Variants in SSBP4 observed in about 807,000 individuals in gnomAD.
SSBP4 encodes the protein single-stranded DNA-binding protein 4.
SSBP4 carries 33 observed loss-of-function variants against 64.6 expected under a neutral mutation model. The ratio of observed to expected loss-of-function variants is 0.51; its 90% CI spans 0.39 to 0.68. The LOEUF (loss-of-function observed/expected upper bound fraction) is 0.68. SSBP4 is among the 30% of genes least tolerant of loss of function. The probability of loss-of-function intolerance (pLI) is 0.00; values close to 1 mark genes in which losing one functional copy is unlikely to be tolerated. For missense variants in SSBP4, 583 were observed against 566.8 expected, an observed-to-expected ratio of 1.03 and a Z score of -0.29; for synonymous variants, 243 against 224.0, an observed-to-expected ratio of 1.08 and a Z score of -0.76.
intron 17 of SSBP4, 55 bp downstream of exon 17, chr19:18,433,872 C>T (rs1214176619): frequency 1.2e-5 from 16 of 1,290,500 alleles, no homozygotes; most frequent in Non-Finnish European, 1.6e-5. Context: ...GAGGGGCTGG[C>T]GGGCAGGCCC....
chr19:18,428,056 T>TGGGGGGCTGGGGGGGGGGGTGGGGGGGG, intron 4 of SSBP4, 74 bp downstream of exon 4: 6 of 444,242 alleles, frequency 1.4e-5, no homozygotes, highest in Non-Finnish European at 1.9e-5. Context: ...GGAGGTGGGG[T>TGGGGGGCTGGGGGGGGGGGTGGGGGGGG]GGGGGGCTGC....
Position 18,429,777 on chromosome 19 carries a change from G to C in SSBP4, c.280-1064G>C, listed in dbSNP as rs182425179. On this transcript the variant is annotated intron_variant, in intron 4 of 17. Coordinates refer to ENST00000270061, the MANE Select transcript of SSBP4 (RefSeq NM_032627.5). ...TTTGTTTTGGGCCTTGGGAGTGCTCGCCGTCACGGTGGGCTTAGGGGGCTC... is the reference window on the plus strand; with the variant it reads ...TTTGTTTTGGGCCTTGGGAGTGCTCCCCGTCACGGTGGGCTTAGGGGGCTC... Among the ~76,000 whole-genome samples, 1,044 of 152,274 alleles carry C rather than the reference G, an allele frequency of 6.9e-3. 6 individuals carry two copies. The highest frequency in any genetic ancestry group is 0.011 in the Non-Finnish European group (774 of 68,002).
intron 5 of SSBP4, 129 bp downstream of exon 5, chr19:18,431,059 C>A: frequency 8.8e-7 from 1 of 1,136,606 alleles, no homozygotes. Context: ...GTCCTCTGTG[C>A]CGCAGGTGTG....
upstream of SSBP4, among the ~76,000 whole-genome samples, chr19:18,415,796 C>G (rs893838484): frequency 6.6e-6 from 1 of 152,118 alleles, no homozygotes; most frequent in Non-Finnish European, 1.5e-5. Context: ...GGCCCCTTCT[C>G]CTGGCAACCT....
rs369123146 is a variant in SSBP4 at position 18,433,227 on chromosome 19, C to T, written c.991+14C>T. 230 of 1,550,464 alleles carry T rather than the reference C, an allele frequency of 1.5e-4. 1 individual carries two copies. The highest frequency in any genetic ancestry group is 1.9e-4 in the Non-Finnish European group (213 of 1,147,332). ...ACGGATCCCTGGGTGAGTGGGCGTCCCTGCTCCCGCCCACGTTGCCTTCCG... is the reference window on the plus strand; with the variant it reads ...ACGGATCCCTGGGTGAGTGGGCGTCTCTGCTCCCGCCCACGTTGCCTTCCG... On this transcript the variant is annotated intron_variant, in intron 15 of 17. Coordinates refer to ENST00000270061, the MANE Select transcript of SSBP4 (RefSeq NM_032627.5).
intron 4 of SSBP4, among the ~76,000 whole-genome samples, chr19:18,429,281 T>C (rs1162403067): frequency 1.3e-5 from 2 of 150,998 alleles, no homozygotes; most frequent in Non-Finnish European, 3.0e-5. Context: ...CCCGGCTCCC[T>C]GCCGACCTTG....
chr19:18,428,022 G>A (rs924162981), intron 4 of SSBP4, 40 bp downstream of exon 4: 2 of 1,547,128 alleles, frequency 1.3e-6, no homozygotes, highest in South Asian at 1.1e-5. Flanking sequence ...TCCAGGGCGG[G>A]AGGTGTGCTG....
the SSBP4 span, among the ~76,000 whole-genome samples, chr19:18,411,482 G>A: frequency 6.6e-6 from 1 of 152,024 alleles, no homozygotes; most frequent in Non-Finnish European, 1.5e-5. Context: ...GCAACAGAGC[G>A]AGACTTCGTC....
At chr19:18,408,523 C>T in the SSBP4 span, among the ~76,000 whole-genome samples, 5 of 150,756 alleles carry the variant, frequency 3.3e-5, no homozygotes, top group Non-Finnish European at 7.4e-5. Flanking sequence ...GACTGAGTAC[C>T]GCTCTATCTC....
In SSBP4 at chr19:18,427,766, G is replaced by T; in HGVS notation, c.147G>T (p.Lys49Asn). The change falls in exon 3 of 18, where the codon AAG becomes AAT. Residue 49 changes from lysine (K) to asparagine (N), a missense_variant. This residue lies in a region of SSBP4 where 43 missense variants were observed against 74.2 expected (regional missense o/e 0.58). Coordinates refer to ENST00000270061, the MANE Select transcript of SSBP4 (RefSeq NM_032627.5). This position sits in a 1 kb window ranked among gnomAD's most constrained non-coding sequence, Gnocchi z 4.4. ...TTTCCCTGCAGATCCGATGGGAGAA[G>T]AACATCACGCTGGGGGAGCCCCCTG... Reference protein sequence around the residue: ...QTFLSEIRWEKNITLGEPPGF... With the variant: ...QTFLSEIRWENNITLGEPPGF... The T allele has an allele frequency of 6.2e-7, 1 of 1,600,512 alleles. No individual in the cohort carries two copies. Among genetic ancestry groups the T allele is most frequent in the Non-Finnish European group, 8.5e-7 (1 of 1,169,934 alleles).
At chr19:18,433,563 C>T (rs369294291) in intron 15 of SSBP4, 22 bp from the exon 16 acceptor site, 15 of 1,544,494 alleles carry the variant, frequency 9.7e-6, no homozygotes, top group African/African-American at 4.2e-5. Context: ...GAGCCGGTGC[C>T]CGTGTCTGTC....
chr19:18,412,460 CAAA>C, the SSBP4 span, among the ~76,000 whole-genome samples: 14 of 74,402 alleles, frequency 1.9e-4, no homozygotes, highest in Admixed American at 3.1e-4. Context: ...GACTCCATCT[CAAA>C]AAAAAAAAAA....
chr19:18,407,078 C>T, the SSBP4 span, among the ~76,000 whole-genome samples: 1 of 151,996 alleles, frequency 6.6e-6, no homozygotes, highest in African/African-American at 2.4e-5. Context: ...GCTCTGTCTC[C>T]TAGGCTGAAG....
chr19:18,408,539 C>T, the SSBP4 span, among the ~76,000 whole-genome samples: 2 of 151,522 alleles, frequency 1.3e-5, no homozygotes, highest in Non-Finnish European at 2.9e-5. Context: ...ATCTCCCAGG[C>T]TGGTGTGCAG....
Position 18,431,707 on chromosome 19 carries a change from G to T in SSBP4, c.495+1G>T. ...GCCCACCCTGCGGATGCCGAGTCAG[G>T]TGAGAAAGGGATGAGGGGAGGGCGG... On this transcript the variant is annotated splice_donor_variant, in intron 7 of 17. Transcript: ENST00000270061. LOFTEE classifies it high-confidence loss of function. The T allele has an allele frequency of 6.4e-7, 1 of 1,550,426 alleles. No homozygotes were observed. Among genetic ancestry groups the T allele is most frequent in the Non-Finnish European group, 8.7e-7 (1 of 1,147,258 alleles).
intron 15 of SSBP4, 86 bp from the exon 16 acceptor site, chr19:18,433,499 G>A: frequency 6.6e-7 from 1 of 1,523,772 alleles, no homozygotes. Context: ...GGCGGGGGCA[G>A]CTTGCGAGGG....
At chr19:18,411,548 G>T in the SSBP4 span, among the ~76,000 whole-genome samples, 13 of 152,204 alleles carry the variant, frequency 8.5e-5, no homozygotes, top group African/African-American at 3.1e-4. Flanking sequence ...AATCCAAACA[G>T]AGGTTTGGGG....
At position 18,432,851 on chromosome 19, in the gene SSBP4, C is replaced by A; in HGVS notation, c.809C>A (p.Pro270His). 6.2e-7 allele frequency: 1 copy of A among 1,613,926 alleles called. No homozygotes were observed. Among genetic ancestry groups the A allele is most frequent in the Non-Finnish European group, 8.5e-7 (1 of 1,179,940 alleles). ...SYTGPPGGGG[P>H]PGTPIMPSPG... is the part of the protein sequence containing the mutation. ...CAGGGACCCCCAGGAGGAGGTGGGC[C>A]CCCTGGAACACCCATCATGCCTAGC... The change falls in exon 13 of 18, where the codon CCC becomes CAC. Residue 270 changes from proline (P) to histidine (H), a missense_variant. Transcript: ENST00000270061.
the SSBP4 span, among the ~76,000 whole-genome samples, chr19:18,403,101 G>A: frequency 2.6e-5 from 4 of 152,216 alleles, no homozygotes; most frequent in East Asian, 3.8e-4. Context: ...CTCTTTACTC[G>A]GCTGAGATGT....
Sources: gnomAD v4.1 joint callset for allele counts (sites outside exome capture counted in the v4.1 genomes callset) on GRCh38, gnomAD v4.1.1 for gene constraint, gnomAD v4.1.1 regional missense constraint, Gnocchi (gnomAD v3.1) non-coding constraint, MANE v1.5 for transcripts, NCBI Gene and HGNC (gene_info 2026-07-23, HGNC 2026-07-21) for gene names.